SORBS2: variants seen among roughly 807,000 people sequenced by gnomAD.
The protein encoded by SORBS2 is sorbin and SH3 domain-containing protein 2.
SORBS2 carries 46 observed loss-of-function variants against 97.7 expected under a neutral mutation model. The ratio of observed to expected loss-of-function variants is 0.47; its 90% CI spans 0.37 to 0.60. SORBS2 has a LOEUF of 0.60. Among genes scored for constraint, SORBS2 ranks in the 20% least tolerant of loss-of-function variants. SORBS2 has a pLI of 0.00. For synonymous variants in SORBS2, 476 were observed against 473.4 expected (o/e 1.01, Z -0.07); for missense variants, 1,316 against 1,282.3 (o/e 1.03, Z -0.40).
intron 4 of SORBS2, chr4:185,666,322 T>A: frequency 2.1e-6 from 1 of 465,786 alleles, no homozygotes; most frequent in Non-Finnish European, 3.8e-6. Flanking sequence ...CTTTAAGGAG[T>A]TACATTCAGA....
intron 4 of SORBS2, among the ~76,000 whole-genome samples, 184 bp downstream of exon 14, chr4:185,638,693 C>A (rs1307951819): frequency 1.1e-5 from 1 of 90,244 alleles, no homozygotes; most frequent in African/African-American, 4.5e-5. Context: ...GGAAGACAGG[C>A]GAGCTGGGGG....
At chr4:185,944,395 C>G (rs2099273539) in intron 1 of SORBS2, among the ~76,000 whole-genome samples, 1 of 152,148 alleles carries the variant, frequency 6.6e-6, no homozygotes, top group Non-Finnish European at 1.5e-5. Flanking sequence ...GTCTCAATGT[C>G]AGTTCATTTC....
At chr4:185,765,197 T>A (rs1352117560) in intron 2 of SORBS2, among the ~76,000 whole-genome samples, 2 of 152,146 alleles carry the variant, frequency 1.3e-5, no homozygotes, top group Admixed American at 1.3e-4. Flanking sequence ...TCAATGAAAA[T>A]GAAATTGCTT....
intron 1 of SORBS2, among the ~76,000 whole-genome samples, chr4:185,941,230 C>T (rs969578920): frequency 6.6e-6 from 1 of 152,084 alleles, no homozygotes; most frequent in East Asian, 1.9e-4. Flanking sequence ...AAAATGGGTC[C>T]TATTATTACA....
At chr4:185,626,678 G>A in intron 6 of SORBS2, 154 bp downstream of exon 18, 1 of 739,924 alleles carries the variant, frequency 1.4e-6, no homozygotes, top group Non-Finnish European at 2.2e-6. Flanking sequence ...GTCAGTCTGG[G>A]TGGGAAGAAG....
chr4:185,726,256 C>T (rs2098553828), intron 2 of SORBS2, among the ~76,000 whole-genome samples: 2 of 152,016 alleles, frequency 1.3e-5, no homozygotes, highest in South Asian at 4.2e-4. Context: ...CACATAAATC[C>T]CTCTCACTCA....
intron 2 of SORBS2, chr4:185,773,779 T>TCA (rs1332495090): frequency 6.6e-6 from 1 of 152,220 alleles, no homozygotes; most frequent in Admixed American, 6.5e-5. Flanking sequence ...GGAACAAATG[T>TCA]CACACACACC....
At chr4:185,664,857 T>C (rs994396027) in intron 4 of SORBS2, among the ~76,000 whole-genome samples, 15 of 152,146 alleles carry the variant, frequency 9.9e-5, no homozygotes, top group Non-Finnish European at 1.9e-4. Flanking sequence ...GGAACTTCAT[T>C]ATAATATCAA....
intron 2 of SORBS2, among the ~76,000 whole-genome samples, chr4:185,727,863 CCAGA>C (rs2098571479): frequency 6.6e-6 from 1 of 152,146 alleles, no homozygotes; most frequent in Admixed American, 6.5e-5. Flanking sequence ...TGAATCTGCT[CCAGA>C]CAGATTTTAT....
chr4:185,742,442 A>G (rs2098733219), intron 2 of SORBS2, among the ~76,000 whole-genome samples: 1 of 152,184 alleles, frequency 6.6e-6, no homozygotes, highest in Admixed American at 6.5e-5. Flanking sequence ...CCGTTTGTTC[A>G]TTCCTTCAGT....
intron 1 of SORBS2, among the ~76,000 whole-genome samples, chr4:185,854,798 AG>A (rs2099219839): frequency 6.6e-6 from 1 of 151,956 alleles, no homozygotes; most frequent in Non-Finnish European, 1.5e-5. Flanking sequence ...AGAGAGAGAG[AG>A]AGAGAGAGAG....
At chr4:185,810,239 G>C (rs746742380) in intron 1 of SORBS2, among the ~76,000 whole-genome samples, 1 of 152,082 alleles carries the variant, frequency 6.6e-6, no homozygotes, top group Non-Finnish European at 1.5e-5. Flanking sequence ...TGACTATTTT[G>C]ACATTTAGAA....
intron 2 of SORBS2, among the ~76,000 whole-genome samples, chr4:185,650,201 GAC>G (rs2153459041): frequency 6.6e-6 from 1 of 152,242 alleles, no homozygotes; most frequent in African/African-American, 2.4e-5. Context: ...GGGAAAATCA[GAC>G]ACAAATAGAA....
At chr4:185,947,783 G>A (rs2099275252) in intron 1 of SORBS2, among the ~76,000 whole-genome samples, 1 of 152,076 alleles carries the variant, frequency 6.6e-6, no homozygotes, top group East Asian at 1.9e-4. Flanking sequence ...GGTAATTTTT[G>A]TATTTTTAGC....
intron 2 of SORBS2, among the ~76,000 whole-genome samples, chr4:185,769,287 T>A: frequency 6.6e-6 from 1 of 152,218 alleles, no homozygotes; most frequent in East Asian, 1.9e-4. Flanking sequence ...GGTAATTTTA[T>A]ACAGCGTTTT....
chr4:185,858,753 T>C (rs2099222071), intron 1 of SORBS2, among the ~76,000 whole-genome samples: 1 of 152,204 alleles, frequency 6.6e-6, no homozygotes, highest in African/African-American at 2.4e-5. Flanking sequence ...TTAATTGGCT[T>C]CATGAACATT....
chr4:185,700,395 A>G (rs929148389), intron 2 of SORBS2, among the ~76,000 whole-genome samples: 4 of 152,018 alleles, frequency 2.6e-5, no homozygotes, highest in African/African-American at 4.8e-5. Flanking sequence ...TAGAGACACT[A>G]TGGTGAGTTT....
At chr4:185,662,188 A>C in exon 5 of SORBS2, 1 of 1,614,062 alleles carries the variant, frequency 6.2e-7, no homozygotes. Flanking sequence ...GGCCTCTGAT[A>C]GTAACTCATG....
chr4:185,799,796 G>A (rs1056623300), intron 1 of SORBS2, among the ~76,000 whole-genome samples: 3 of 152,120 alleles, frequency 2.0e-5, no homozygotes, highest in African/African-American at 7.2e-5. Context: ...GGACTATGGC[G>A]ACACTCATTT....
Sources: allele counts gnomAD v4.1 joint callset (sites outside exome capture counted in the v4.1 genomes callset), GRCh38; gene constraint gnomAD v4.1.1; transcripts MANE v1.5; gene names NCBI Gene and HGNC (gene_info 2026-07-23, HGNC 2026-07-21).